The following CDYL2 variants were observed in gnomAD, a reference collection of about 807,000 sequenced individuals.
The protein encoded by CDYL2 is chromodomain Y-like protein 2.
A neutral mutation model predicts 49.4 loss-of-function variants in CDYL2; 23 were observed. The ratio of observed to expected loss-of-function variants is 0.47; its 90% CI spans 0.34 to 0.66. The LOEUF (loss-of-function observed/expected upper bound fraction) is 0.66. Ranked by LOEUF, CDYL2 falls within the 30% of genes least tolerant of loss-of-function variation. CDYL2 has a pLI of 0.01. For missense variants in CDYL2, 678 were observed against 656.4 expected, an observed-to-expected ratio of 1.03 and a Z score of -0.36; for synonymous variants, 360 against 268.8, an observed-to-expected ratio of 1.34 and a Z score of -3.32.
intron 1 of CDYL2, among the ~76,000 whole-genome samples, chr16:80,748,122 A>AAATAATAATAAT (rs71143647): frequency 1.5e-4 from 21 of 136,004 alleles, no homozygotes; most frequent in South Asian, 2.4e-4. Context: ...TGGGAAGATT[A>AAATAATAATAAT]AATAATAATA....
intron 1 of CDYL2, among the ~76,000 whole-genome samples, chr16:80,708,179 A>T (rs1186684574): frequency 6.6e-6 from 1 of 152,192 alleles, no homozygotes; most frequent in Non-Finnish European, 1.5e-5. Flanking sequence ...CAAATCCATT[A>T]TCTTGTCATA....
intron 2 of CDYL2, among the ~76,000 whole-genome samples, chr16:80,672,584 G>A (rs934795584): frequency 4.1e-5 from 6 of 146,888 alleles, no homozygotes; most frequent in African/African-American, 1.3e-4. Context: ...GGAAAGGAAA[G>A]GAAAGGAAAG....
At chr16:80,772,580 G>A (rs1273775108) in intron 1 of CDYL2, among the ~76,000 whole-genome samples, 1 of 152,164 alleles carries the variant, frequency 6.6e-6, no homozygotes, top group East Asian at 1.9e-4. Flanking sequence ...AGCCTCCCAA[G>A]TAGCTGGGAC....
upstream of CDYL2, among the ~76,000 whole-genome samples, chr16:80,804,836 G>C (rs1310447746): frequency 2.0e-5 from 3 of 151,616 alleles, no homozygotes; most frequent in African/African-American, 7.3e-5. Context: ...CCAGGTAGAG[G>C]GCTGCGGCTG....
intron 2 of CDYL2, among the ~76,000 whole-genome samples, chr16:80,677,445 C>A (rs969825224): frequency 6.6e-6 from 1 of 152,068 alleles, no homozygotes; most frequent in Non-Finnish European, 1.5e-5. Flanking sequence ...TATCAATAAA[C>A]AAGGAGGTGT....
chr16:80,694,428 A>G (rs749952727), intron 1 of CDYL2, among the ~76,000 whole-genome samples: 1 of 152,166 alleles, frequency 6.6e-6, no homozygotes, highest in Non-Finnish European at 1.5e-5. Context: ...TTAAGCATAC[A>G]CTAGGTTTGA....
Position 80,748,524 on chromosome 16 carries a change from A to C in CDYL2, c.24+55626T>G, listed in dbSNP as rs1252770870. 8.8e-4 allele frequency among the ~76,000 whole-genome samples: 126 copies of C among 143,468 alleles called. 1 individual carries two copies. The highest frequency in any genetic ancestry group is 1.1e-3 in the Non-Finnish European group (73 of 64,608). 94.1% of individuals were successfully genotyped at this position (143,468 alleles called of 152,430 possible). On this transcript the variant is annotated intron_variant, in intron 1 of 6. Coordinates refer to ENST00000570137, the MANE Select transcript of CDYL2 (RefSeq NM_152342.4). The stretch of plus-strand genomic sequence containing the variant: ...ACTCCATTAAAAAAAAAAAAAAAAA[A>C]AAAAAAAAAAAAAAAACTCAGGTGG...
chr16:80,744,404 A>G (rs1905854512), intron 1 of CDYL2, among the ~76,000 whole-genome samples: 1 of 152,140 alleles, frequency 6.6e-6, no homozygotes, highest in African/African-American at 2.4e-5. Context: ...CCAGCTTTAC[A>G]CTGACACCAT....
At chr16:80,706,088 T>C (rs1386089520) in intron 1 of CDYL2, among the ~76,000 whole-genome samples, 1 of 152,218 alleles carries the variant, frequency 6.6e-6, no homozygotes, top group Non-Finnish European at 1.5e-5. Context: ...GGAAAAGTGT[T>C]CACTCTTCTC....
intron 2 of CDYL2, among the ~76,000 whole-genome samples, chr16:80,659,475 T>A (rs917518930): frequency 5.9e-5 from 9 of 152,186 alleles, no homozygotes; most frequent in African/African-American, 2.2e-4. Flanking sequence ...ACATTGTGTT[T>A]ACTTAAAAGA....
intron 2 of CDYL2, among the ~76,000 whole-genome samples, chr16:80,647,825 T>A (rs755954250): frequency 1.1e-4 from 17 of 152,148 alleles, no homozygotes; most frequent in South Asian, 6.2e-4. Context: ...ATATCAAGCA[T>A]CTTCTTCTCT....
chr16:80,706,913 A>G (rs1438040004), intron 1 of CDYL2, among the ~76,000 whole-genome samples: 1 of 152,186 alleles, frequency 6.6e-6, no homozygotes, highest in Non-Finnish European at 1.5e-5. Context: ...ACTCAGGTCA[A>G]TCACACCTAC....
chr16:80,775,018 A>G (rs1907035273), intron 1 of CDYL2, among the ~76,000 whole-genome samples: 1 of 152,074 alleles, frequency 6.6e-6, no homozygotes, highest in Non-Finnish European at 1.5e-5. Flanking sequence ...ATAGAAAGAA[A>G]TATTATTTCA....
intron 1 of CDYL2, among the ~76,000 whole-genome samples, chr16:80,782,551 A>AC (rs984686691): frequency 4.0e-5 from 6 of 151,054 alleles, no homozygotes; most frequent in African/African-American, 2.4e-5. Context: ...AAAAAAAAAA[A>AC]ACTACAGGCC....
At chr16:80,705,253 T>A (rs1188047332) in intron 1 of CDYL2, among the ~76,000 whole-genome samples, 3 of 152,238 alleles carry the variant, frequency 2.0e-5, no homozygotes, top group African/African-American at 7.2e-5. Flanking sequence ...CTTTGCAGTC[T>A]TCCACAGGTA....
chr16:80,624,630 C>T (rs952130327), intron 3 of CDYL2, among the ~76,000 whole-genome samples: 2 of 151,986 alleles, frequency 1.3e-5, no homozygotes, highest in Non-Finnish European at 2.9e-5. Context: ...AGCAAATGAG[C>T]GGATTACATA....
rs1402061838 is a variant in CDYL2, at chr16:80,601,132, T to A, written c.*3256A>T. On this transcript the variant is annotated 3_prime_UTR_variant, in exon 7 of 7. Transcript: ENST00000570137. ...AGGGGCACATTAAGTACATCAGCAT[T>A]AGGCTGTGTCTTCCAAATGGTGGTG... The A allele has an allele frequency of 1.3e-5, 2 of 152,220 alleles. No homozygotes were observed. Among genetic ancestry groups the A allele is most frequent in the Admixed American group, 6.5e-5 (1 of 15,280 alleles). The allele number at this position is 152,220 out of a possible 1,614,324, so 9.4% of individuals were successfully genotyped here. A position where few individuals can be genotyped will look rare whatever the true frequency, so the allele number is the denominator to read the frequency against.
At position 80,612,487 on chromosome 16, in the gene CDYL2, G is replaced by C. The variant is rs1019633020; in HGVS notation, c.1218+139C>G. ...CGGGCTACTCCATCTGGCACTGAAG[G>C]TGTGAAGGACATGAGGCAGCCAAGC... On this transcript the variant is annotated intron_variant, in intron 5 of 6. Coordinates refer to ENST00000570137, the MANE Select transcript of CDYL2 (RefSeq NM_152342.4). This position sits in a 1 kb window ranked among gnomAD's most constrained non-coding sequence, Gnocchi z 5.0. 1 of 746,922 alleles carries C rather than the reference G, an allele frequency of 1.3e-6. No individual in the cohort carries two copies. The highest frequency in any genetic ancestry group is 2.6e-5 in the East Asian group (1 of 38,562). 46.3% of individuals were successfully genotyped at this position (746,922 alleles called of 1,614,324 possible). A position where few individuals can be genotyped will look rare whatever the true frequency, so the allele number is the denominator to read the frequency against.
At chr16:80,751,442 CAT>C (rs1205416858) in intron 1 of CDYL2, among the ~76,000 whole-genome samples, 1 of 152,136 alleles carries the variant, frequency 6.6e-6, no homozygotes, top group East Asian at 1.9e-4. Context: ...CTGGCAGAAA[CAT>C]AAACAGAAAG....
Sources: gnomAD v4.1 joint callset for allele counts (sites outside exome capture counted in the v4.1 genomes callset) on GRCh38, gnomAD v4.1.1 for gene constraint, Gnocchi (gnomAD v3.1) non-coding constraint, MANE v1.5 for transcripts, NCBI Gene and HGNC (gene_info 2026-07-23, HGNC 2026-07-21) for gene names.